Variants in MACROD2 observed in about 807,000 individuals in gnomAD.
MACROD2 encodes ADP-ribose glycohydrolase MACROD2.
MACROD2 carries 36 observed loss-of-function variants against 70.4 expected under a neutral mutation model. That is an observed-to-expected ratio of 0.51 (90% confidence interval 0.39 to 0.68). MACROD2 has a LOEUF of 0.68. Among genes scored for constraint, MACROD2 ranks in the 30% least tolerant of loss-of-function variants. The pLI is 0.00. For synonymous variants in MACROD2, 172 were observed against 178.8 expected (o/e 0.96, Z 0.30); for missense variants, 496 against 538.4 (o/e 0.92, Z 0.78).
At chr20:15,805,620 G>A (rs554083124) in intron 8 of MACROD2, among the ~76,000 whole-genome samples, 150 of 152,246 alleles carry the variant, frequency 9.9e-4, no homozygotes, top group Middle Eastern at 3.4e-3. Flanking sequence ...GGGATTACAG[G>A]CATGTGCCAC....
intron 3 of MACROD2, among the ~76,000 whole-genome samples, chr20:14,169,239 C>G (rs1385833946): frequency 6.6e-6 from 1 of 151,840 alleles, no homozygotes; most frequent in Non-Finnish European, 1.5e-5. Flanking sequence ...AACAAAAGCT[C>G]TGGTTTTCAT....
chr20:15,416,872 C>T (rs1190615048), intron 6 of MACROD2, among the ~76,000 whole-genome samples: 1 of 151,784 alleles, frequency 6.6e-6, no homozygotes, highest in Non-Finnish European at 1.5e-5. Context: ...CACTGCACTC[C>T]AGCCCGGGCG....
chr20:15,564,340 A>G (rs907030283), intron 8 of MACROD2, among the ~76,000 whole-genome samples: 2 of 152,212 alleles, frequency 1.3e-5, no homozygotes, highest in Non-Finnish European at 2.9e-5. Flanking sequence ...TTTTGGTTAT[A>G]TGCTGAGGAA....
chr20:14,506,693 G>A (rs957479318), intron 4 of MACROD2, among the ~76,000 whole-genome samples: 5 of 152,176 alleles, frequency 3.3e-5, no homozygotes, highest in Admixed American at 3.3e-4. Flanking sequence ...GGTCACGCCT[G>A]TAATCCCAGC....
intron 5 of MACROD2, among the ~76,000 whole-genome samples, chr20:15,037,927 G>T (rs1308124334): frequency 3.5e-5 from 5 of 141,440 alleles, no homozygotes; most frequent in Non-Finnish European, 7.5e-5. Flanking sequence ...AGCCAGAAGA[G>T]AGAATTTTGG....
At chr20:14,592,847 G>A (rs1981867575) in intron 4 of MACROD2, among the ~76,000 whole-genome samples, 1 of 152,146 alleles carries the variant, frequency 6.6e-6, no homozygotes. Flanking sequence ...TTAGATGTGA[G>A]AAAATGTAAT....
chr20:14,354,052 G>A (rs1234460315), intron 3 of MACROD2, among the ~76,000 whole-genome samples: 1 of 152,120 alleles, frequency 6.6e-6, no homozygotes, highest in South Asian at 2.1e-4. Flanking sequence ...GTTATTAATT[G>A]TCAGGATTTT....
chr20:15,634,086 C>G (rs2049330667), intron 8 of MACROD2, among the ~76,000 whole-genome samples: 1 of 152,146 alleles, frequency 6.6e-6, no homozygotes, highest in Admixed American at 6.5e-5. Flanking sequence ...AATTGTTTTT[C>G]ATGCTAATCA....
chr20:15,626,865 A>G (rs575659816), intron 8 of MACROD2, among the ~76,000 whole-genome samples: 1 of 149,528 alleles, frequency 6.7e-6, no homozygotes, highest in Admixed American at 6.7e-5. Context: ...CCACCCCCCC[A>G]AAAAAAAATT....
chr20:14,700,524 TG>T (rs35976184), intron 5 of MACROD2, among the ~76,000 whole-genome samples: 3,637 of 125,528 alleles, frequency 0.029, 61 homozygotes, highest in Middle Eastern at 0.12. Context: ...CATATGGTGG[TG>T]TGTGTGTGTG....
At chr20:15,054,187 G>A (rs1324563621) in intron 5 of MACROD2, among the ~76,000 whole-genome samples, 18 of 152,182 alleles carry the variant, frequency 1.2e-4, no homozygotes, top group South Asian at 4.1e-4. Context: ...AGAATATTCC[G>A]TAAATTTAAT....
At chr20:14,176,314 A>C (rs948265093) in intron 3 of MACROD2, among the ~76,000 whole-genome samples, 1 of 152,334 alleles carries the variant, frequency 6.6e-6, no homozygotes, top group South Asian at 2.1e-4. Flanking sequence ...AGATGGCATA[A>C]GTGTTTGAAC....
At chr20:14,029,832 A>G (rs187048564) in intron 2 of MACROD2, among the ~76,000 whole-genome samples, 19 of 152,310 alleles carry the variant, frequency 1.2e-4, no homozygotes, top group Non-Finnish European at 2.1e-4. Flanking sequence ...ATACTCAACA[A>G]TGTAATTTAT....
chr20:14,862,856 C>T (rs1243885842), intron 5 of MACROD2, among the ~76,000 whole-genome samples: 1 of 148,672 alleles, frequency 6.7e-6, no homozygotes, highest in East Asian at 2.0e-4. Context: ...AGTTGGCATA[C>T]CTACTGTAGT....
chr20:15,435,517 T>C (rs1359999371), intron 7 of MACROD2, among the ~76,000 whole-genome samples: 1 of 152,146 alleles, frequency 6.6e-6, no homozygotes, highest in Non-Finnish European at 1.5e-5. Flanking sequence ...CCCACTCCAT[T>C]TGAAGATCAC....
intron 7 of MACROD2, among the ~76,000 whole-genome samples, chr20:15,490,107 C>T (rs2047209048): frequency 6.7e-6 from 1 of 148,994 alleles, no homozygotes; most frequent in Admixed American, 6.8e-5. Flanking sequence ...CAAAGTCACA[C>T]CATACTTTGC....
intron 15 of MACROD2, among the ~76,000 whole-genome samples, chr20:15,999,118 G>A (rs368514130): frequency 7.9e-5 from 12 of 151,928 alleles, no homozygotes; most frequent in African/African-American, 1.9e-4. Flanking sequence ...CTTAATGTAG[G>A]CATTCATAAC....
At chr20:14,299,075 G>C (rs1473528149) in intron 3 of MACROD2, among the ~76,000 whole-genome samples, 1 of 152,016 alleles carries the variant, frequency 6.6e-6, no homozygotes, top group Non-Finnish European at 1.5e-5. Flanking sequence ...CTCTAGTTTT[G>C]AAAGAAGTTT....
rs191561116 is a variant in MACROD2 at position 14,748,158 on chromosome 20, T to C, written c.418+63199T>C. Among the ~76,000 whole-genome samples, 236 of 152,200 alleles carry C rather than the reference T, an allele frequency of 1.6e-3. 1 individual carries two copies. Among genetic ancestry groups the C allele is most frequent in the Non-Finnish European group, 2.8e-3 (192 of 68,004 alleles). On this transcript the variant is annotated intron_variant, in intron 5 of 17. Transcript: ENST00000684519. ...TTCTCCCCTCATTTAACCCAGTTAGTTCCTACACGCCTCTTAGCATGCCCA... is the reference window on the plus strand; with the variant it reads ...TTCTCCCCTCATTTAACCCAGTTAGCTCCTACACGCCTCTTAGCATGCCCA...
Sources: allele counts gnomAD v4.1 joint callset (sites outside exome capture counted in the v4.1 genomes callset), GRCh38; gene constraint gnomAD v4.1.1; transcripts MANE v1.5; gene names NCBI Gene and HGNC (gene_info 2026-07-23, HGNC 2026-07-21).